SPATA13: variants seen among roughly 807,000 people sequenced by gnomAD.
The protein encoded by SPATA13 is spermatogenesis-associated protein 13.
A neutral mutation model predicts 104.0 loss-of-function variants in SPATA13; 50 were observed. That is an observed-to-expected ratio of 0.48 (90% CI 0.38 to 0.61). The LOEUF (loss-of-function observed/expected upper bound fraction) is 0.61. Ranked by LOEUF, SPATA13 falls within the 20% of genes least tolerant of loss-of-function variation. The pLI is 0.00. For synonymous variants in SPATA13, 606 were observed against 667.5 expected (o/e 0.91, Z 1.42); for missense variants, 1,524 against 1,690.6 (o/e 0.90, Z 1.73).
chr13:24,004,496 G>T (rs1049040709), intron 2 of SPATA13, among the ~76,000 whole-genome samples: 3 of 152,106 alleles, frequency 2.0e-5, no homozygotes, highest in Non-Finnish European at 4.4e-5. Flanking sequence ...CCATCCAGGG[G>T]TGAGGGGCTC....
At chr13:24,256,023 A>C (rs1338877017) in intron 4 of SPATA13, among the ~76,000 whole-genome samples, 1 of 152,262 alleles carries the variant, frequency 6.6e-6, no homozygotes, top group Admixed American at 6.5e-5. Flanking sequence ...ATAAAATATG[A>C]TATGTGAGAT....
intron 3 of SPATA13, among the ~76,000 whole-genome samples, chr13:24,091,346 C>T (rs1282204579): frequency 1.3e-5 from 2 of 152,204 alleles, no homozygotes; most frequent in African/African-American, 4.8e-5. Context: ...CCTAGTATTT[C>T]CTTTTAAGCT....
rs1251804001 is a variant in SPATA13, at chr13:24,224,004, GACGACT to G, written c.1078_1083del (p.Asp360_Tyr361del). The G allele has an allele frequency of 6.5e-7, 1 of 1,548,576 alleles. No individual in the cohort carries two copies. The highest frequency in any genetic ancestry group is 8.7e-7 in the Non-Finnish European group (1 of 1,145,354). Reference sequence around the variant, plus strand: ...ACTTCAGGCACACAGCCGGCTGCATGACGACTACTCCCGCCGCGTCTCCAGGAGCAC... The same window carrying G: ...ACTTCAGGCACACAGCCGGCTGCATGACTCCCGCCGCGTCTCCAGGAGCAC... On this transcript the variant is annotated inframe_deletion, in exon 2 of 13. Coordinates refer to ENST00000382108, the MANE Select transcript of SPATA13 (RefSeq NM_001166271.3).
At chr13:23,984,586 C>T (rs1875059236) in intron 2 of SPATA13, among the ~76,000 whole-genome samples, 1 of 152,290 alleles carries the variant, frequency 6.6e-6, no homozygotes, top group Non-Finnish European at 1.5e-5. Context: ...TACCCCTTTA[C>T]TTTTAAGTGT....
intron 3 of SPATA13, among the ~76,000 whole-genome samples, chr13:24,041,802 C>T (rs1403626334): frequency 2.0e-5 from 3 of 152,096 alleles, no homozygotes; most frequent in Non-Finnish European, 2.9e-5. Flanking sequence ...GGTGGGAAAG[C>T]GTGAGACAGG....
intron 1 of SPATA13, among the ~76,000 whole-genome samples, chr13:23,981,559 C>T (rs554163582): frequency 3.9e-5 from 6 of 152,302 alleles, no homozygotes; most frequent in African/African-American, 1.4e-4. Context: ...TGTGAGATGC[C>T]ACCAGGACAG....
chr13:24,059,537 G>A (rs1384506941), intron 3 of SPATA13, among the ~76,000 whole-genome samples: 2 of 152,240 alleles, frequency 1.3e-5, no homozygotes, highest in African/African-American at 4.8e-5. Flanking sequence ...AATCCCCAAA[G>A]GAGGAAGACA....
In SPATA13 at chr13:24,238,317, C is replaced by T. The variant is rs183710189; in HGVS notation, c.1654-11160C>T. Reference sequence around the variant, plus strand: ...GATTACAAGTGTGCACCACCATGCCCGGCTAATTTTTATATTTTTAGTAGG... The same window carrying T: ...GATTACAAGTGTGCACCACCATGCCTGGCTAATTTTTATATTTTTAGTAGG... On this transcript the variant is annotated intron_variant, in intron 2 of 12. Transcript: ENST00000382108. Among the ~76,000 whole-genome samples the T allele has an allele frequency of 8.6e-5, 13 of 151,870 alleles. 1 individual carries two copies. Among genetic ancestry groups the T allele is most frequent in the Admixed American group, 3.3e-4 (5 of 15,232 alleles).
chr13:24,145,315 T>C (rs1881894024), intron 3 of SPATA13, among the ~76,000 whole-genome samples: 1 of 152,252 alleles, frequency 6.6e-6, no homozygotes, highest in Non-Finnish European at 1.5e-5. Context: ...TAATTAGGGC[T>C]GTTACTAACA....
At chr13:24,004,587 G>A (rs1023208104) in intron 2 of SPATA13, among the ~76,000 whole-genome samples, 2 of 152,138 alleles carry the variant, frequency 1.3e-5, no homozygotes, top group Non-Finnish European at 2.9e-5. Context: ...GTTCTCCTGG[G>A]TGTCCTGGAG....
chr13:24,288,967 C>A (rs764467943), intron 7 of SPATA13, 32 bp from the exon 8 acceptor site: 1 of 1,553,708 alleles, frequency 6.4e-7, no homozygotes, highest in Non-Finnish European at 8.7e-7. Flanking sequence ...TTTGGATTTC[C>A]AAATAAAAAG....
intron 2 of SPATA13, among the ~76,000 whole-genome samples, chr13:24,003,430 G>A (rs1219216048): frequency 2.0e-5 from 3 of 152,182 alleles, no homozygotes; most frequent in African/African-American, 7.2e-5. Flanking sequence ...AAAGGGTACT[G>A]TGCATGTCTT....
intron 4 of SPATA13, among the ~76,000 whole-genome samples, chr13:24,264,951 T>C (rs979568511): frequency 2.6e-5 from 4 of 152,128 alleles, no homozygotes; most frequent in African/African-American, 9.7e-5. Flanking sequence ...TGAGTAGGGG[T>C]GAATGATGAA....
intron 3 of SPATA13, among the ~76,000 whole-genome samples, chr13:24,077,440 A>C (rs1262014407): frequency 6.6e-6 from 1 of 152,054 alleles, no homozygotes; most frequent in Non-Finnish European, 1.5e-5. Flanking sequence ...CACGGACATA[A>C]AGATGGAAAT....
intron 4 of SPATA13, chr13:24,272,579 C>T (rs1874692790): frequency 6.6e-6 from 1 of 152,262 alleles, no homozygotes; most frequent in South Asian, 2.1e-4. Context: ...GAGGGACTGC[C>T]TAGTGGCTCC....
At position 24,051,989 on chromosome 13, in the gene SPATA13, G is replaced by C. The variant is rs1384975150; in HGVS notation, c.-112+34288G>C. On this transcript the variant is annotated intron_variant, in intron 3 of 14. Coordinates refer to the SPATA13 transcript ENST00000424834. This position sits in a 1 kb window ranked among gnomAD's most constrained non-coding sequence, Gnocchi z 4.2. The stretch of plus-strand genomic sequence containing the variant: ...TCCTCCCACCTCATCTGTGCACCTT[G>C]CCAGTCCTTTGGCTTCCTCTGCGTG... 6.6e-6 allele frequency among the ~76,000 whole-genome samples: 1 copy of C among 152,148 alleles called. No homozygotes were observed. Among genetic ancestry groups the C allele is most frequent in the Admixed American group, 6.5e-5 (1 of 15,286 alleles).
chr13:24,082,841 A>T (rs761937191), intron 3 of SPATA13, among the ~76,000 whole-genome samples: 1 of 150,418 alleles, frequency 6.6e-6, no homozygotes, highest in African/African-American at 2.4e-5. Context: ...AAAAAAAAAA[A>T]AAAAAAAAAA....
At chr13:24,300,767 A>G (rs1296047024) in intron 12 of SPATA13, among the ~76,000 whole-genome samples, 3 of 152,152 alleles carry the variant, frequency 2.0e-5, no homozygotes, top group African/African-American at 7.2e-5. Flanking sequence ...CCCTCCCCCA[A>G]GTGCTGATGG....
chr13:24,107,629 A>AT (rs1457662519), intron 3 of SPATA13, among the ~76,000 whole-genome samples: 1 of 152,212 alleles, frequency 6.6e-6, no homozygotes, highest in East Asian at 1.9e-4. Flanking sequence ...TGAATTCCAC[A>AT]TAGGAAATAG....
Sources: gnomAD v4.1 joint callset for allele counts (sites outside exome capture counted in the v4.1 genomes callset) on GRCh38, gnomAD v4.1.1 for gene constraint, Gnocchi (gnomAD v3.1) non-coding constraint, MANE v1.5 for transcripts, NCBI Gene and HGNC (gene_info 2026-07-23, HGNC 2026-07-21) for gene names.